Variants in NAV2 observed in about 807,000 individuals in gnomAD.
NAV2 encodes the protein helicase, APC down-regulated 1.
In NAV2, 54 loss-of-function variants were observed where a neutral mutation model predicts 223.2. The observed-to-expected ratio is 0.24, with a 90% CI of 0.19 to 0.30. The LOEUF (loss-of-function observed/expected upper bound fraction) is 0.30. Among genes scored for constraint, NAV2 ranks in the 10% least tolerant of loss-of-function variants. The probability of loss-of-function intolerance (pLI) is 1.00; values close to 1 mark genes in which losing one functional copy is unlikely to be tolerated. For missense variants in NAV2, 2,806 were observed against 3,147.5 expected (o/e 0.89, Z 2.60); for synonymous variants, 1,279 against 1,239.3 (o/e 1.03, Z -0.67).
intron 11 of NAV2, among the ~76,000 whole-genome samples, chr11:19,999,525 T>C (rs1041242989): frequency 1.3e-5 from 2 of 152,194 alleles, no homozygotes; most frequent in Non-Finnish European, 2.9e-5. Context: ...CCCGCCACCA[T>C]GCCTGGCTAA....
Position 20,051,376 on chromosome 11 carries a change from T to C in NAV2, c.4481+43T>C, listed in dbSNP as rs768404600. On this transcript the variant is annotated intron_variant, in intron 17 of 37. Transcript: ENST00000349880. ...TTGCATCTGTGCCATCTGTTGTGGC[T>C]TTGGAGCTTGGCTGTGTGACTCCTT... is the stretch of plus-strand genomic sequence containing the variant. The C allele has an allele frequency of 1.1e-4, 175 of 1,597,230 alleles. 1 individual carries two copies. Among genetic ancestry groups the C allele is most frequent in the Non-Finnish European group, 1.5e-4 (169 of 1,164,650 alleles).
rs2061775577 is a variant in NAV2 at position 20,103,351 on chromosome 11, C to T, written c.6514C>T (p.His2172Tyr). 2 of 1,614,040 alleles carry T rather than the reference C, an allele frequency of 1.2e-6. No individual in the cohort carries two copies. The highest frequency in any genetic ancestry group is 2.2e-5 in the South Asian group (2 of 91,086). Reference sequence around the variant, plus strand: ...CGTCATCATCCTGGACAACCTACACCACGTGAGCTCTCTGGGAGAGATCTT... The same window carrying T: ...CGTCATCATCCTGGACAACCTACACTACGTGAGCTCTCTGGGAGAGATCTT... Reference protein sequence around the residue: ...PLVIILDNLHHVSSLGEIFNG... With the variant: ...PLVIILDNLHYVSSLGEIFNG... The change falls in exon 33 of 38, where the codon CAC becomes TAC. Residue 2172 changes from histidine to tyrosine, a missense_variant. Transcript: ENST00000349880.
At chr11:19,709,462 T>C (rs760863826), upstream of NAV2, among the ~76,000 whole-genome samples, 3 of 146,630 alleles carry the variant, frequency 2.0e-5, no homozygotes, top group Admixed American at 7.0e-5. Context: ...GAATGGGGTG[T>C]ACCCAGGAGG....
chr11:19,652,434 TA>T (rs1276535179), intron 1 of NAV2, among the ~76,000 whole-genome samples: 1 of 152,174 alleles, frequency 6.6e-6, no homozygotes, highest in Non-Finnish European at 1.5e-5. Context: ...TTTCTCTGAA[TA>T]AACTGTGATA....
At chr11:19,417,756 G>T (rs1481987118) in intron 1 of NAV2, among the ~76,000 whole-genome samples, 2 of 152,160 alleles carry the variant, frequency 1.3e-5, no homozygotes, top group African/African-American at 2.4e-5. Context: ...ATACACCATG[G>T]AATACTGGGT....
intron 22 of NAV2, among the ~76,000 whole-genome samples, chr11:20,077,235 G>A (rs1308634258): frequency 1.3e-5 from 2 of 152,074 alleles, no homozygotes; most frequent in Admixed American, 1.3e-4. Flanking sequence ...GAAAGTACGA[G>A]CCGAGAGCTC....
At chr11:19,878,427 G>A (rs186486379) in intron 4 of NAV2, among the ~76,000 whole-genome samples, 20 of 152,294 alleles carry the variant, frequency 1.3e-4, no homozygotes, top group South Asian at 2.1e-4. Context: ...GGGGCAAAGC[G>A]GTGTCCGTAT....
chr11:19,378,389 TG>T (rs1417487218), intron 1 of NAV2, among the ~76,000 whole-genome samples: 1 of 152,162 alleles, frequency 6.6e-6, no homozygotes, highest in Non-Finnish European at 1.5e-5. Flanking sequence ...CCTGGCTCGG[TG>T]GGGCCTATGG....
At chr11:19,977,920 T>C (rs2049926916) in intron 10 of NAV2, among the ~76,000 whole-genome samples, 1 of 151,672 alleles carries the variant, frequency 6.6e-6, no homozygotes, top group Non-Finnish European at 1.5e-5. Flanking sequence ...TTCTCCTGCT[T>C]CAGTCTCCCG....
At position 19,881,926 on chromosome 11, in the gene NAV2, A is replaced by G. The variant is rs968072198; in HGVS notation, c.770+1799A>G. On this transcript the variant is annotated intron_variant, in intron 5 of 37. Transcript: ENST00000349880. ...GTAGGGGAGGAGAGGGATCAGTGAT[A>G]AGGTAGTTTGGAAGGAGAGAGGGCT... Among the ~76,000 whole-genome samples, 7 of 152,124 alleles carry G rather than the reference A, an allele frequency of 4.6e-5. No individual in the cohort carries two copies. In the South Asian group the frequency reaches 1.4e-3, roughly 31 times the overall value.
chr11:20,048,986 C>G lies in NAV2; in HGVS notation c.4161C>G (p.Asn1387Lys). Residue 1387 changes from asparagine to lysine, a missense_variant, in exon 15 of 38, where the codon AAC becomes AAG. Physicochemically the swap from Asn to Lys is moderately conservative, Grantham distance 94 (BLOSUM62 0). Transcript: ENST00000349880. ...CCAACAGCCTCACCTGGGGCACCAA[C>G]GCCAGCAGCTCCTCCGCAGTTAGCA... The part of the protein sequence containing the change: ...APSNSLTWGT[N>K]ASSSSAVSKD... 6.2e-7 allele frequency: 1 copy of G among 1,614,194 alleles called. No homozygotes were observed. The highest frequency in any genetic ancestry group is 8.5e-7 in the Non-Finnish European group (1 of 1,180,030).
At chr11:19,987,584 T>G (rs1024326172) in intron 11 of NAV2, among the ~76,000 whole-genome samples, 71 of 152,356 alleles carry the variant, frequency 4.7e-4, no homozygotes, top group African/African-American at 1.6e-3. Flanking sequence ...CTTGCCTGTT[T>G]GCAGCAGAAT....
At chr11:20,006,314 G>C (rs1050690320) in intron 11 of NAV2, among the ~76,000 whole-genome samples, 2 of 152,088 alleles carry the variant, frequency 1.3e-5, no homozygotes, top group African/African-American at 4.8e-5. Flanking sequence ...TGCCAGCCTG[G>C]GGGTGGTAGC....
At chr11:19,710,345 G>A (rs191793567), upstream of NAV2, among the ~76,000 whole-genome samples, 131 of 152,312 alleles carry the variant, frequency 8.6e-4, 1 homozygote, top group Admixed American at 3.5e-3. Context: ...CAGAATCTCA[G>A]CCCCATTCTA....
intron 11 of NAV2, among the ~76,000 whole-genome samples, chr11:19,988,444 A>G (rs2051000493): frequency 6.6e-6 from 1 of 152,226 alleles, no homozygotes. Context: ...AGACAAAAAA[A>G]ACAAATGCTG....
chr11:20,083,352 A>G lies in NAV2; in HGVS notation c.5498+173A>G, dbSNP rs140204650. ...TTAGGACTGGGAAAGTTGAAAGAGA[A>G]AAGAAACTTAGGTTTTCGTTCTGAT... On this transcript the variant is annotated intron_variant, in intron 26 of 37. Coordinates refer to ENST00000349880, the MANE Select transcript of NAV2 (RefSeq NM_145117.5). 5.3e-3 allele frequency among the ~76,000 whole-genome samples: 804 copies of G among 152,346 alleles called. 4 individuals carry two copies. Among genetic ancestry groups the G allele is most frequent in the Non-Finnish European group, 8.5e-3 (580 of 68,028 alleles).
At chr11:19,592,352 C>T (rs777296320) in intron 1 of NAV2, among the ~76,000 whole-genome samples, 19 of 152,232 alleles carry the variant, frequency 1.2e-4, no homozygotes, top group Admixed American at 4.6e-4. Context: ...TACTAATCTA[C>T]TCAATCCTCA....
At chr11:19,748,108 G>C (rs2053527456) in intron 1 of NAV2, among the ~76,000 whole-genome samples, 1 of 152,234 alleles carries the variant, frequency 6.6e-6, no homozygotes, top group African/African-American at 2.4e-5. Context: ...GCTGTGGGCA[G>C]TGCTGACCAG....
chr11:19,552,104 C>A (rs761131744), intron 1 of NAV2, among the ~76,000 whole-genome samples: 31 of 152,092 alleles, frequency 2.0e-4, no homozygotes, highest in Non-Finnish European at 3.7e-4. Context: ...GTGGCCTGGG[C>A]CCCTGGAGAA....
Sources: allele counts gnomAD v4.1 joint callset (sites outside exome capture counted in the v4.1 genomes callset), GRCh38; gene constraint gnomAD v4.1.1; transcripts MANE v1.5; gene names NCBI Gene and HGNC (gene_info 2026-07-23, HGNC 2026-07-21).